ADAMTS16: variants seen among roughly 807,000 people sequenced by gnomAD.
ADAMTS16 encodes ADAM metallopeptidase with thrombospondin type 1 motif 16.
In ADAMTS16, 94 loss-of-function variants were observed where a neutral mutation model predicts 145.8. The observed-to-expected ratio is 0.64, with a 90% CI of 0.55 to 0.77. ADAMTS16 has a LOEUF of 0.77. ADAMTS16 is among the 30% of genes least tolerant of loss of function. The pLI, the probability that ADAMTS16 is intolerant of heterozygous loss-of-function variation, is 0.00. For missense variants in ADAMTS16, 1,585 were observed against 1,591.5 expected (o/e 1.00, Z 0.07); for synonymous variants, 659 against 604.3 (o/e 1.09, Z -1.33).
intron 5 of ADAMTS16, among the ~76,000 whole-genome samples, chr5:5,187,482 C>A (rs967775433): frequency 1.3e-5 from 2 of 152,130 alleles, no homozygotes; most frequent in Non-Finnish European, 2.9e-5. Context: ...TAAGGGGAAC[C>A]CTTACCAACC....
intron 17 of ADAMTS16, 98 bp downstream of exon 17, chr5:5,242,289 G>A: frequency 6.8e-7 from 1 of 1,468,102 alleles, no homozygotes; most frequent in East Asian, 2.4e-5. Context: ...GAGCAGCCCG[G>A]GGCTTCTCCC....
chr5:5,299,537 G>A (rs1416728838), intron 18 of ADAMTS16, among the ~76,000 whole-genome samples: 1 of 152,042 alleles, frequency 6.6e-6, no homozygotes, highest in Non-Finnish European at 1.5e-5. Flanking sequence ...TGGGGAAGAG[G>A]GAGTCATTTT....
chr5:5,148,951 G>A (rs905791626), intron 3 of ADAMTS16, among the ~76,000 whole-genome samples: 1 of 152,232 alleles, frequency 6.6e-6, no homozygotes, highest in South Asian at 2.1e-4. Context: ...GGATTTTAGA[G>A]ACTGTCCAGA....
chr5:5,217,012 G>A (rs1736457570), intron 10 of ADAMTS16, among the ~76,000 whole-genome samples: 1 of 151,664 alleles, frequency 6.6e-6, no homozygotes, highest in Non-Finnish European at 1.5e-5. Flanking sequence ...ATCATTGTTG[G>A]ACATTTGGGT....
At chr5:5,195,567 T>G (rs1322500393) in intron 8 of ADAMTS16, among the ~76,000 whole-genome samples, 1 of 152,162 alleles carries the variant, frequency 6.6e-6, no homozygotes, top group Non-Finnish European at 1.5e-5. Flanking sequence ...TATATGCAAG[T>G]GTAATTTAGG....
intron 18 of ADAMTS16, among the ~76,000 whole-genome samples, chr5:5,298,481 G>T (rs972303009): frequency 1.2e-5 from 1 of 82,800 alleles, no homozygotes; most frequent in Non-Finnish European, 2.8e-5. Context: ...GCCAACCGAG[G>T]AGGATGGCAA....
intron 3 of ADAMTS16, among the ~76,000 whole-genome samples, chr5:5,148,251 G>A (rs1195485117): frequency 6.6e-6 from 1 of 152,144 alleles, no homozygotes; most frequent in East Asian, 1.9e-4. Flanking sequence ...ACCTCAACCA[G>A]ACTTAAGAGT....
chr5:5,188,702 C>T (rs533727066), intron 6 of ADAMTS16, among the ~76,000 whole-genome samples: 2 of 152,028 alleles, frequency 1.3e-5, no homozygotes, highest in African/African-American at 2.4e-5. Flanking sequence ...AAGATGCCTT[C>T]GATGTTAAAG....
chr5:5,203,259 A>G (rs994113709), intron 9 of ADAMTS16, among the ~76,000 whole-genome samples: 2 of 152,238 alleles, frequency 1.3e-5, no homozygotes, highest in Admixed American at 6.5e-5. Flanking sequence ...CTCGAAAACC[A>G]GTTGCAAATT....
intron 17 of ADAMTS16, among the ~76,000 whole-genome samples, chr5:5,257,825 C>A (rs1737846653): frequency 6.6e-6 from 1 of 152,182 alleles, no homozygotes; most frequent in African/African-American, 2.4e-5. Flanking sequence ...CTTTCCTCCC[C>A]TCAGATGCCA....
chr5:5,140,638 C>A, intron 1 of ADAMTS16, 26 bp from the exon 2 acceptor site: 2 of 1,534,564 alleles, frequency 1.3e-6, no homozygotes, highest in Non-Finnish European at 8.7e-7. Context: ...GCCGTCTCAC[C>A]GCGATGTCGC....
chr5:5,236,935 C>A, intron 13 of ADAMTS16, 34 bp from the exon 14 acceptor site: 1 of 1,578,822 alleles, frequency 6.3e-7, no homozygotes, highest in South Asian at 1.2e-5. Flanking sequence ...AAGTATTTTT[C>A]TTATTTGTGT....
rs764403007 is a variant in ADAMTS16 at position 5,318,237 on chromosome 5, C to T, written c.3515C>T (p.Ser1172Phe). The T allele has an allele frequency of 1.2e-4, 180 of 1,563,980 alleles. No homozygotes were observed. Among genetic ancestry groups the T allele is most frequent in the Middle Eastern group, 8.5e-4 (5 of 5,850 alleles). ...CTCCTGCACCAGAAGCCTTCGGCCT[C>T]CCTGGCCTGCAACACTCACTTCTGC... ...GCLLHQKPSA[S>F]LACNTHFCPI... Residue 1172 changes from serine to phenylalanine, a missense_variant, in exon 22 of 23, where the codon TCC (serine) becomes TTC (phenylalanine). By Grantham distance (155) the Ser-to-Phe change is radical. This residue lies in a region of ADAMTS16 where 834 missense variants were observed against 811.7 expected (regional missense o/e 1.03). Coordinates refer to ENST00000274181, the MANE Select transcript of ADAMTS16 (RefSeq NM_139056.4).
chr5:5,319,505 G>GA lies in ADAMTS16; in HGVS notation c.*372dup, dbSNP rs1734197978. On this transcript the variant is annotated 3_prime_UTR_variant, in exon 23 of 23. Coordinates refer to ENST00000274181, the MANE Select transcript of ADAMTS16 (RefSeq NM_139056.4). ...AACTTGCTAAATGTCTGGTGCCTTA[G>GA]AAAAAGAAGGAAAGGCCATGAAATA... The GA allele has an allele frequency of 3.4e-6, 1 of 293,724 alleles. No homozygotes were observed. Among genetic ancestry groups the GA allele is most frequent in the Admixed American group, 5.0e-5 (1 of 20,044 alleles). The allele number at this position is 293,724 out of a possible 1,614,324, so 18.2% of individuals were successfully genotyped here. A position where few individuals can be genotyped will look rare whatever the true frequency, so the allele number is the denominator to read the frequency against.
At chr5:5,298,586 C>T (rs35333017) in intron 18 of ADAMTS16, among the ~76,000 whole-genome samples, 9,687 of 152,326 alleles carry the variant, frequency 0.064, 506 homozygotes, top group African/African-American at 0.15. Flanking sequence ...AGCTTACAGC[C>T]GGCCTGCACT....
intron 21 of ADAMTS16, among the ~76,000 whole-genome samples, chr5:5,315,980 C>T (rs1734043609): frequency 6.6e-6 from 1 of 152,168 alleles, no homozygotes; most frequent in Admixed American, 6.5e-5. Flanking sequence ...ACAGTTTCAG[C>T]TTGTGACTTT....
At chr5:5,287,361 C>G (rs1383347256) in intron 18 of ADAMTS16, among the ~76,000 whole-genome samples, 1 of 152,158 alleles carries the variant, frequency 6.6e-6, no homozygotes, top group Non-Finnish European at 1.5e-5. Context: ...TGTAAAAATT[C>G]AAATCCTATG....
intron 6 of ADAMTS16, 113 bp from the exon 7 acceptor site, chr5:5,189,858 A>T (rs1248719458): frequency 6.0e-6 from 8 of 1,337,320 alleles, no homozygotes; most frequent in South Asian, 1.3e-5. Context: ...TGCCATCCAG[A>T]TCCAGCCATG....
chr5:5,185,980 C>G, intron 4 of ADAMTS16, 72 bp from the exon 5 acceptor site: 1 of 1,357,638 alleles, frequency 7.4e-7, no homozygotes, highest in Non-Finnish European at 1.0e-6. Context: ...CCAAATTTCT[C>G]TATGACGAGT....
Sources: allele counts gnomAD v4.1 joint callset (sites outside exome capture counted in the v4.1 genomes callset), GRCh38; gene constraint gnomAD v4.1.1; regional missense constraint gnomAD v4.1.1; transcripts MANE v1.5; gene names NCBI Gene and HGNC (gene_info 2026-07-23, HGNC 2026-07-21).